ZNF90: variants seen among roughly 807,000 people sequenced by gnomAD.
ZNF90 encodes zinc finger protein HTF9.
A neutral mutation model predicts 12.0 loss-of-function variants in ZNF90; 11 were observed. The ratio of observed to expected loss-of-function variants is 0.92; its 90% CI spans 0.58 to 1.52. The LOEUF (loss-of-function observed/expected upper bound fraction) is 1.52, where lower values mean the gene tolerates loss of function less well. Ranked by LOEUF, ZNF90 falls within the 40% of genes most tolerant of loss-of-function variation. The pLI is 0.00. For synonymous variants in ZNF90, 232 were observed against 240.1 expected (o/e 0.97, Z 0.31); for missense variants, 765 against 711.5 (o/e 1.08, Z -0.86).
intron 3 of ZNF90, chr19:20,117,504 C>A: frequency 2.8e-6 from 2 of 718,958 alleles, no homozygotes; most frequent in Non-Finnish European, 3.4e-6. Context: ...GTGGTGTGAT[C>A]TTGGGTCACC....
intron 1 of ZNF90, among the ~76,000 whole-genome samples, chr19:20,085,268 C>CTTTTTTTTTTCTTTTTTTTTTTTTTT (rs56068843): frequency 1.5e-5 from 2 of 135,570 alleles, no homozygotes; most frequent in East Asian, 5.0e-4. Context: ...TTGCATTGGT[C>CTTTTTTTTTTCTTTTTTTTTTTTTTT]TTTTTTTTTT....
At chr19:20,089,889 C>A (rs564497078) in intron 1 of ZNF90, among the ~76,000 whole-genome samples, 11 of 151,972 alleles carry the variant, frequency 7.2e-5, no homozygotes, top group Non-Finnish European at 1.6e-4. Context: ...GGATTAGAAG[C>A]GGCTAGGAGA....
Position 20,119,071 on chromosome 19 carries a change from A to C in ZNF90, c.1517A>C (p.Glu506Ala). The C allele has an allele frequency of 6.2e-7, 1 of 1,612,180 alleles. No homozygotes were observed. Among genetic ancestry groups the C allele is most frequent in the Non-Finnish European group, 8.5e-7 (1 of 1,179,110 alleles). Residue 506 changes from glutamate to alanine, a missense_variant, in exon 4 of 4, where the codon GAG becomes GCG. Coordinates refer to ENST00000418063, the MANE Select transcript of ZNF90 (RefSeq NM_007138.2). ...ACACATAAGATAATTCACAGTGGAG[A>C]GAATCCCTACAAATGTGAAGAATGT... ...LSTHKIIHSG[E>A]NPYKCEECGK...
At chr19:20,096,924 G>T (rs2088952064) in intron 1 of ZNF90, among the ~76,000 whole-genome samples, 1 of 152,154 alleles carries the variant, frequency 6.6e-6, no homozygotes, top group Admixed American at 6.5e-5. Flanking sequence ...CAGGCACTTG[G>T]CTTCAAGCAG....
chr19:20,086,872 A>G (rs2088863581), intron 1 of ZNF90: 1 of 152,192 alleles, frequency 6.6e-6, no homozygotes, highest in South Asian at 2.1e-4. Context: ...CTTTTATTTC[A>G]CTAAATTGGT....
At chr19:20,106,222 G>T (rs1424520221) in intron 3 of ZNF90, among the ~76,000 whole-genome samples, 1 of 151,416 alleles carries the variant, frequency 6.6e-6, no homozygotes. Flanking sequence ...CTAATTTACT[G>T]AGTATTTATT....
intron 3 of ZNF90, among the ~76,000 whole-genome samples, chr19:20,106,044 C>CATTGT (rs1555704366): frequency 6.9e-4 from 49 of 71,058 alleles, no homozygotes; most frequent in African/African-American, 2.6e-3. Flanking sequence ...CTAATTTTTT[C>CATTGT]TTTTTTTTTT....
chr19:20,079,554 C>T (rs2088804807), intron 1 of ZNF90, among the ~76,000 whole-genome samples: 2 of 152,052 alleles, frequency 1.3e-5, no homozygotes, highest in Admixed American at 6.6e-5. Context: ...GTGCTTTCTT[C>T]CCTAGGGAGG....
At chr19:20,104,165 A>T in intron 1 of ZNF90, 74 bp from the exon 2 acceptor site, 1 of 1,597,974 alleles carries the variant, frequency 6.3e-7, no homozygotes, top group Non-Finnish European at 8.5e-7. Flanking sequence ...CTCCAATTTC[A>T]CCTTAACTCA....
intron 2 of ZNF90, among the ~76,000 whole-genome samples, chr19:20,104,917 C>T (rs777458142): frequency 1.6e-4 from 24 of 152,076 alleles, no homozygotes; most frequent in Admixed American, 8.5e-4. Flanking sequence ...TTTGTTGAAC[C>T]TGAAAGGCAG....
At chr19:20,117,392 C>A (rs908871484) in intron 3 of ZNF90, among the ~76,000 whole-genome samples, 2 of 148,390 alleles carry the variant, frequency 1.3e-5, no homozygotes, top group Non-Finnish European at 3.0e-5. Context: ...CTTTTCTTTT[C>A]TTTTCTCCTT....
chr19:20,107,171 G>C, intron 3 of ZNF90: 1 of 369,364 alleles, frequency 2.7e-6, no homozygotes. Context: ...CCGCTTCAGG[G>C]ACCCCAGTAA....
rs782331160 is a variant in ZNF90 at position 20,118,792 on chromosome 19, C to A, written c.1238C>A (p.Thr413Asn). 6.2e-7 allele frequency: 1 copy of A among 1,602,742 alleles called. No homozygotes were observed. The highest frequency in any genetic ancestry group is 8.5e-7 in the Non-Finnish European group (1 of 1,175,126). The change falls in exon 4 of 4, where the codon ACT (threonine) becomes AAT (asparagine). Residue 413 changes from threonine to asparagine, a missense_variant. Coordinates refer to ENST00000418063, the MANE Select transcript of ZNF90 (RefSeq NM_007138.2). ...GCCTTCAAGCGCTCCTCAACACTTA[C>A]TATACATAAGATAAGTCATACTGAA... ...GKAFKRSSTLTIHKISHTEEK... is the reference protein window; with the variant it reads ...GKAFKRSSTLNIHKISHTEEK...
intron 3 of ZNF90, among the ~76,000 whole-genome samples, chr19:20,110,475 A>G (rs539805810): frequency 3.9e-5 from 6 of 152,130 alleles, no homozygotes; most frequent in Admixed American, 3.9e-4. Context: ...AGACGGGGCC[A>G]GGCTGGTCTC....
chr19:20,108,369 G>C (rs1457092178), intron 3 of ZNF90, among the ~76,000 whole-genome samples: 4 of 152,208 alleles, frequency 2.6e-5, no homozygotes, highest in African/African-American at 7.2e-5. Flanking sequence ...GAGTGCAGTG[G>C]TGCAATCCTG....
chr19:20,083,648 T>C (rs2088837889), intron 1 of ZNF90, among the ~76,000 whole-genome samples: 1 of 152,140 alleles, frequency 6.6e-6, no homozygotes, highest in Admixed American at 6.5e-5. Flanking sequence ...TTTCTAAGAA[T>C]AATGATCTCC....
At chr19:20,087,699 A>C (rs1300687661) in intron 1 of ZNF90, 5 of 152,302 alleles carry the variant, frequency 3.3e-5, no homozygotes, top group African/African-American at 4.8e-5. Context: ...GTGCGTGTCT[A>C]TGTGAAGAGA....
intron 3 of ZNF90, among the ~76,000 whole-genome samples, chr19:20,112,568 C>T (rs1220764429): frequency 6.6e-6 from 1 of 152,002 alleles, no homozygotes; most frequent in Non-Finnish European, 1.5e-5. Context: ...GCAATCCACC[C>T]ACCTCGGCCT....
At chr19:20,096,057 C>T (rs2088942745) in intron 1 of ZNF90, among the ~76,000 whole-genome samples, 1 of 152,098 alleles carries the variant, frequency 6.6e-6, no homozygotes, top group African/African-American at 2.4e-5. Context: ...TCTCCTTTGT[C>T]TCTACCAGAA....
Sources: gnomAD v4.1 joint callset for allele counts (sites outside exome capture counted in the v4.1 genomes callset) on GRCh38, gnomAD v4.1.1 for gene constraint, MANE v1.5 for transcripts, NCBI Gene and HGNC (gene_info 2026-07-23, HGNC 2026-07-21) for gene names.